The following TENM2 variants were observed in gnomAD, a reference collection of about 807,000 sequenced individuals.
TENM2 encodes teneurin transmembrane protein 2.
Under a neutral mutation model 245.2 loss-of-function variants are expected in TENM2, and 52 were observed. That is an observed-to-expected ratio of 0.21 (90% CI 0.17 to 0.27). The LOEUF is 0.27. Ranked by LOEUF, TENM2 falls within the 10% of genes least tolerant of loss-of-function variation. TENM2 has a pLI of 1.00. For missense variants in TENM2, 3,046 were observed against 3,666.8 expected (o/e 0.83, Z 4.37); for synonymous variants, 1,363 against 1,438.9 (o/e 0.95, Z 1.19).
intron 4 of TENM2, among the ~76,000 whole-genome samples, chr5:167,954,746 T>A (rs1780413027): frequency 6.6e-6 from 1 of 152,198 alleles, no homozygotes; most frequent in African/African-American, 2.4e-5. Context: ...GTTAGTTTGC[T>A]GAGGATGATG....
chr5:168,104,357 A>G (rs1473089805), intron 9 of TENM2, among the ~76,000 whole-genome samples: 1 of 152,082 alleles, frequency 6.6e-6, no homozygotes, highest in East Asian at 1.9e-4. Context: ...AAAACTCTTA[A>G]AAGGCCCCAA....
chr5:167,375,429 C>A (rs1760689197), exon 2 of TENM2: 1 of 1,551,722 alleles, frequency 6.4e-7, no homozygotes, highest in Non-Finnish European at 8.7e-7. Flanking sequence ...TCGGCCCTTA[C>A]CCTGACTGAC....
chr5:167,570,005 A>C (rs2127658090), intron 2 of TENM2, among the ~76,000 whole-genome samples: 1 of 152,316 alleles, frequency 6.6e-6, no homozygotes, highest in Non-Finnish European at 1.5e-5. Context: ...ATACTTGTGG[A>C]GGACATGTAA....
chr5:167,037,919 G>A, the TENM2 span, among the ~76,000 whole-genome samples: 2 of 152,240 alleles, frequency 1.3e-5, no homozygotes, highest in Non-Finnish European at 2.9e-5. Flanking sequence ...AACACGGCTA[G>A]GGGTAGGAGA....
chr5:168,179,975 A>T (rs1369421332), intron 13 of TENM2, among the ~76,000 whole-genome samples: 1 of 151,980 alleles, frequency 6.6e-6, no homozygotes, highest in Non-Finnish European at 1.5e-5. Context: ...CAGGGTCCCC[A>T]CTCTAAAATG....
intron 5 of TENM2, among the ~76,000 whole-genome samples, chr5:167,997,295 T>TA (rs1784123111): frequency 6.6e-6 from 1 of 152,172 alleles, no homozygotes; most frequent in African/African-American, 2.4e-5. Flanking sequence ...GTTTCTCACA[T>TA]ACTGTATGAA....
At chr5:167,071,878 G>GCCCCCCCC in the TENM2 span, among the ~76,000 whole-genome samples, 21 of 124,086 alleles carry the variant, frequency 1.7e-4, no homozygotes, top group African/African-American at 2.0e-4. Flanking sequence ...TTGACAAATC[G>GCCCCCCCC]CCCCCCCCCG....
chr5:167,122,808 T>C, the TENM2 span, among the ~76,000 whole-genome samples: 3 of 152,208 alleles, frequency 2.0e-5, no homozygotes, highest in African/African-American at 7.2e-5. Context: ...GTTCACATTA[T>C]ACAGGACTTC....
At chr5:168,186,821 T>C (rs142961173) in intron 13 of TENM2, 124 of 152,326 alleles carry the variant, frequency 8.1e-4, no homozygotes, top group African/African-American at 2.8e-3. Context: ...GCTTGATTGT[T>C]TGCGAGATAA....
intron 2 of TENM2, among the ~76,000 whole-genome samples, chr5:167,459,932 ACACG>A (rs1257315060): frequency 1.3e-5 from 2 of 151,514 alleles, no homozygotes; most frequent in South Asian, 2.1e-4. Flanking sequence ...ACACACACAC[ACACG>A]CACACACACA....
rs145099139 is a variant in TENM2 at position 167,935,903 on chromosome 5, G to T, written c.713-16685G>T. ...CAAAACAGGTATGATTTTTTTTTTCGATTTCCCCAGCTCATGTTCTGTATC... is the reference window on the plus strand; with the variant it reads ...CAAAACAGGTATGATTTTTTTTTTCTATTTCCCCAGCTCATGTTCTGTATC... On this transcript the variant is annotated intron_variant, in intron 3 of 28. Coordinates refer to ENST00000518659, the Ensembl canonical transcript of TENM2. Among the ~76,000 whole-genome samples the T allele has an allele frequency of 4.7e-3, 711 of 150,642 alleles. 5 individuals are homozygous for T. The highest frequency in any genetic ancestry group is 0.016 in the African/African-American group (638 of 41,100).
At chr5:167,836,679 T>G (rs1304479773) in intron 2 of TENM2, among the ~76,000 whole-genome samples, 1 of 152,172 alleles carries the variant, frequency 6.6e-6, no homozygotes, top group African/African-American at 2.4e-5. Context: ...CAAGTGTTCA[T>G]GTACTATAGG....
At chr5:167,912,514 C>T (rs1776626563) in intron 3 of TENM2, among the ~76,000 whole-genome samples, 1 of 152,154 alleles carries the variant, frequency 6.6e-6, no homozygotes, top group African/African-American at 2.4e-5. Flanking sequence ...ACTCAGTCGA[C>T]ACATGTTAAC....
chr5:167,491,756 G>T (rs961586050), intron 2 of TENM2, among the ~76,000 whole-genome samples: 11 of 152,088 alleles, frequency 7.2e-5, no homozygotes, highest in Admixed American at 7.2e-4. Context: ...AATTAAATGT[G>T]TACAGCCATT....
At chr5:167,241,140 C>T in the TENM2 span, among the ~76,000 whole-genome samples, 1 of 152,164 alleles carries the variant, frequency 6.6e-6, no homozygotes, top group Non-Finnish European at 1.5e-5. Context: ...ACACCCCAAA[C>T]CTGATATAAT....
At chr5:167,856,315 C>T (rs556209652) in intron 2 of TENM2, among the ~76,000 whole-genome samples, 12 of 152,132 alleles carry the variant, frequency 7.9e-5, no homozygotes, top group African/African-American at 2.7e-4. Context: ...GTTTGCACCA[C>T]GCTTTGAGAT....
the TENM2 span, among the ~76,000 whole-genome samples, chr5:167,198,988 C>T: frequency 4.0e-5 from 6 of 148,678 alleles, no homozygotes; most frequent in African/African-American, 1.5e-4. Flanking sequence ...GAGCCAGTTT[C>T]AAGATTAGAA....
intron 2 of TENM2, among the ~76,000 whole-genome samples, chr5:167,874,871 G>C (rs1163872096): frequency 6.6e-6 from 1 of 152,160 alleles, no homozygotes; most frequent in Non-Finnish European, 1.5e-5. Flanking sequence ...AGGCTAGAGA[G>C]TCTGTGCTTT....
chr5:167,459,720 A>G (rs79822896), intron 2 of TENM2, among the ~76,000 whole-genome samples: 2,551 of 152,268 alleles, frequency 0.017, 74 homozygotes, highest in East Asian at 0.072. Flanking sequence ...AGCCATCCCA[A>G]TGGGTGTGCA....
Sources: allele counts gnomAD v4.1 joint callset (sites outside exome capture counted in the v4.1 genomes callset), GRCh38; gene constraint gnomAD v4.1.1; transcripts MANE v1.5; gene names NCBI Gene and HGNC (gene_info 2026-07-23, HGNC 2026-07-21).